The following UBE2G1 variants were observed in gnomAD, a reference collection of about 807,000 sequenced individuals.
UBE2G1 encodes ubiquitin conjugating enzyme E2 G1.
Under a neutral mutation model 22.7 loss-of-function variants are expected in UBE2G1, and 5 were observed. The observed-to-expected ratio is 0.22, with a 90% CI of 0.12 to 0.46. The LOEUF is 0.46. Among genes scored for constraint, UBE2G1 ranks in the 20% least tolerant of loss-of-function variants. The pLI, the probability that UBE2G1 is intolerant of heterozygous loss-of-function variation, is 0.99. For missense variants in UBE2G1, 88 were observed against 203.9 expected, an observed-to-expected ratio of 0.43 and a Z score of 3.46; for synonymous variants, 74 against 67.5, an observed-to-expected ratio of 1.10 and a Z score of -0.47.
At chr17:4,343,835 C>T in intron 1 of UBE2G1, among the ~76,000 whole-genome samples, 1 of 152,048 alleles carries the variant, frequency 6.6e-6, no homozygotes, top group East Asian at 2.0e-4. Flanking sequence ...GATCCGCCCG[C>T]CTCATTCTCC....
At chr17:4,286,691 ATAAAG>A (rs1173534384) in intron 4 of UBE2G1, among the ~76,000 whole-genome samples, 2 of 152,318 alleles carry the variant, frequency 1.3e-5, no homozygotes, top group South Asian at 2.1e-4. Context: ...TGAAGGGTTA[ATAAAG>A]TAATTTTTGC....
chr17:4,312,657 C>G (rs956261114), intron 1 of UBE2G1, among the ~76,000 whole-genome samples: 2 of 132,118 alleles, frequency 1.5e-5, no homozygotes, highest in Non-Finnish European at 1.5e-5. Context: ...GATCGCGCCA[C>G]TGCACTCCAG....
chr17:4,360,254 G>C (rs1400990927), intron 1 of UBE2G1, among the ~76,000 whole-genome samples: 1 of 152,018 alleles, frequency 6.6e-6, no homozygotes, highest in Non-Finnish European at 1.5e-5. Flanking sequence ...CTAAAAAAAA[G>C]GTTTCAATAA....
chr17:4,330,713 GA>G (rs1969564048), intron 1 of UBE2G1, among the ~76,000 whole-genome samples: 1 of 151,952 alleles, frequency 6.6e-6, no homozygotes, highest in Admixed American at 6.6e-5. Flanking sequence ...CTCCAGCCTG[GA>G]CAACAAGAGT....
chr17:4,292,637 T>C (rs1969055708), intron 3 of UBE2G1, among the ~76,000 whole-genome samples: 1 of 152,234 alleles, frequency 6.6e-6, no homozygotes, highest in African/African-American at 2.4e-5. Context: ...CTTTGCTGGA[T>C]ACATTTTCCT....
At position 4,296,671 on chromosome 17, in the gene UBE2G1, A is replaced by G. The variant is rs772679473; in HGVS notation, c.247+46T>C. The G allele has an allele frequency of 1.2e-5, 19 of 1,540,652 alleles. 1 individual carries two copies. The South Asian group carries it at 2.1e-4, about 17-fold the overall frequency. ...TATTGACCTTGAACACTTCAATAACAGGCCATCAAATCTGCAAATGTAAAA... is the reference window on the plus strand; with the variant it reads ...TATTGACCTTGAACACTTCAATAACGGGCCATCAAATCTGCAAATGTAAAA... On this transcript the variant is annotated intron_variant, in intron 3 of 5. Transcript: ENST00000396981.
At chr17:4,364,128 G>C (rs1970001846) in intron 1 of UBE2G1, 1 of 149,254 alleles carries the variant, frequency 6.7e-6, no homozygotes, top group African/African-American at 2.5e-5. Context: ...GCCAAGCTTG[G>C]TGCCGCGCGC....
intron 5 of UBE2G1, among the ~76,000 whole-genome samples, chr17:4,280,335 GCTTTTTT>G (rs1968872611): frequency 1.0e-5 from 1 of 98,472 alleles, no homozygotes; most frequent in African/African-American, 3.6e-5. Context: ...CGGCACCTGG[GCTTTTTT>G]TTTTTTTTTT....
intron 1 of UBE2G1, among the ~76,000 whole-genome samples, chr17:4,313,439 G>C (rs1174020752): frequency 6.6e-6 from 1 of 152,212 alleles, no homozygotes; most frequent in Non-Finnish European, 1.5e-5. Context: ...GGTATTAGGA[G>C]TTTTGAGAAT....
intron 2 of UBE2G1, chr17:4,301,656 G>A (rs1969181407): frequency 2.5e-6 from 2 of 795,870 alleles, no homozygotes; most frequent in Non-Finnish European, 4.5e-6. Flanking sequence ...TATTTGCACT[G>A]GACAGGTTGT....
intron 5 of UBE2G1, among the ~76,000 whole-genome samples, chr17:4,274,174 G>A (rs895829004): frequency 1.0e-4 from 14 of 140,224 alleles, no homozygotes; most frequent in Non-Finnish European, 2.0e-4. Flanking sequence ...TACAGATGGG[G>A]TTTCATCCTG....
At chr17:4,290,430 C>T (rs1297502041) in intron 3 of UBE2G1, among the ~76,000 whole-genome samples, 1 of 152,130 alleles carries the variant, frequency 6.6e-6, no homozygotes, top group East Asian at 1.9e-4. Context: ...TATCATTGCT[C>T]TCTTAATTCA....
At chr17:4,352,909 T>C (rs935963799) in intron 1 of UBE2G1, among the ~76,000 whole-genome samples, 1 of 152,054 alleles carries the variant, frequency 6.6e-6, no homozygotes, top group African/African-American at 2.4e-5. Flanking sequence ...ACCCCGTCTC[T>C]ACTAAAATAC....
At chr17:4,353,759 C>T (rs1316245922) in intron 1 of UBE2G1, among the ~76,000 whole-genome samples, 2 of 151,638 alleles carry the variant, frequency 1.3e-5, no homozygotes, top group Non-Finnish European at 2.9e-5. Context: ...ATCCACCTGC[C>T]TCGGCCTCCC....
chr17:4,275,423 T>C (rs1466090992), intron 5 of UBE2G1, among the ~76,000 whole-genome samples: 2 of 152,258 alleles, frequency 1.3e-5, no homozygotes, highest in Non-Finnish European at 2.9e-5. Flanking sequence ...ATTGAAATTA[T>C]ATCAATTGCA....
rs571411422 is a variant in UBE2G1, at chr17:4,328,674, T to C, written c.47-21551A>G. Among the ~76,000 whole-genome samples the C allele has an allele frequency of 2.0e-5, 3 of 152,372 alleles. No individual in the cohort carries two copies. In the East Asian group the frequency reaches 5.8e-4, roughly 29 times the overall value. ...ACCCTGAAGTTATTTATACATTTATTCAAACTTATAAAAGAAACCTAAGCA... is the reference window on the plus strand; with the variant it reads ...ACCCTGAAGTTATTTATACATTTATCCAAACTTATAAAAGAAACCTAAGCA... On this transcript the variant is annotated intron_variant, in intron 1 of 5. Transcript: ENST00000396981.
chr17:4,279,166 T>C (rs1264312394), intron 5 of UBE2G1, among the ~76,000 whole-genome samples: 1 of 151,680 alleles, frequency 6.6e-6, no homozygotes, highest in African/African-American at 2.4e-5. Flanking sequence ...TCCCAGCTAC[T>C]TGGGAGGCTG....
intron 1 of UBE2G1, among the ~76,000 whole-genome samples, chr17:4,345,436 C>T (rs1031748677): frequency 1.3e-5 from 2 of 152,168 alleles, no homozygotes; most frequent in East Asian, 1.9e-4. Context: ...CTCTGAAAGG[C>T]ACTTTTAAAA....
chr17:4,346,530 G>A (rs1268616041), intron 1 of UBE2G1, among the ~76,000 whole-genome samples: 2 of 150,584 alleles, frequency 1.3e-5, no homozygotes, highest in Non-Finnish European at 3.0e-5. Context: ...TGCCTCCTGG[G>A]TTCAAGCGAT....
Sources: allele counts gnomAD v4.1 joint callset (sites outside exome capture counted in the v4.1 genomes callset), GRCh38; gene constraint gnomAD v4.1.1; transcripts MANE v1.5; gene names NCBI Gene and HGNC (gene_info 2026-07-23, HGNC 2026-07-21).